Variants in CFAP77 observed in about 807,000 individuals in gnomAD.
CFAP77 encodes cilia and flagella associated protein 77.
CFAP77 carries 25 observed loss-of-function variants against 31.1 expected under a neutral mutation model. The ratio of observed to expected loss-of-function variants is 0.80; its 90% CI spans 0.59 to 1.12. The LOEUF (loss-of-function observed/expected upper bound fraction) is 1.12, where lower values mean the gene tolerates loss of function less well. CFAP77 is among the 50% of genes most tolerant of loss of function. The pLI is 0.00. For synonymous variants in CFAP77, 151 were observed against 159.9 expected (o/e 0.94, Z 0.42); for missense variants, 377 against 397.3 (o/e 0.95, Z 0.44).
chr9:132,549,220 A>G (rs870596), intron 5 of CFAP77, among the ~76,000 whole-genome samples: 110,089 of 152,106 alleles, frequency 0.72, 40,629 homozygotes, highest in East Asian at 0.94. Flanking sequence ...AGGCTTGTCC[A>G]GTTAAAATGA....
chr9:132,439,622 A>G (rs1363351708), intron 1 of CFAP77, among the ~76,000 whole-genome samples: 10 of 152,004 alleles, frequency 6.6e-5, no homozygotes, highest in Non-Finnish European at 1.2e-4. Context: ...CAAGGCGGGC[A>G]GATCACGAGG....
In CFAP77 at chr9:132,498,801, G is replaced by T; in HGVS notation, c.295+7G>T. On this transcript the variant is annotated splice_region_variant and intron_variant, in intron 2 of 5. Coordinates refer to ENST00000393216, the MANE Select transcript of CFAP77 (RefSeq NM_001282957.2). This position sits in a 1 kb window ranked among gnomAD's most constrained non-coding sequence, Gnocchi z 4.2. ...GACGGAGGAGTCCCTGAAGGTGAGCGAGCAGCTTTGGAGCATGAGGGCAGA... is the reference window on the plus strand; with the variant it reads ...GACGGAGGAGTCCCTGAAGGTGAGCTAGCAGCTTTGGAGCATGAGGGCAGA... 1 of 1,596,238 alleles carries T rather than the reference G, an allele frequency of 6.3e-7. No homozygotes were observed. The highest frequency in any genetic ancestry group is 1.1e-5 in the South Asian group (1 of 88,988).
At chr9:132,438,537 ATATATTTT>A (rs1372615344) in intron 1 of CFAP77, among the ~76,000 whole-genome samples, 89 of 116,170 alleles carry the variant, frequency 7.7e-4, no homozygotes, top group African/African-American at 3.3e-3. Context: ...ATATATATAT[ATATATTTT>A]TTTTTTTTTT....
chr9:132,544,098 C>A (rs1852692544), intron 5 of CFAP77, among the ~76,000 whole-genome samples: 1 of 152,232 alleles, frequency 6.6e-6, no homozygotes, highest in Non-Finnish European at 1.5e-5. Context: ...GGACCGGTGC[C>A]TTTCTGAGCC....
At chr9:132,563,957 G>A (rs1829855682) in intron 5 of CFAP77, among the ~76,000 whole-genome samples, 1 of 152,132 alleles carries the variant, frequency 6.6e-6, no homozygotes, top group Admixed American at 6.6e-5. Context: ...CCCAGCACCA[G>A]CTACTCTTTC....
rs992008177 is a variant in CFAP77, at chr9:132,495,251, T to A, written c.196-3444T>A. 6.6e-6 allele frequency among the ~76,000 whole-genome samples: 1 copy of A among 152,002 alleles called. No individual in the cohort carries two copies. Among genetic ancestry groups the A allele is most frequent in the Non-Finnish European group, 1.5e-5 (1 of 67,942 alleles). On this transcript the variant is annotated intron_variant, in intron 1 of 5. Coordinates refer to ENST00000393216, the MANE Select transcript of CFAP77 (RefSeq NM_001282957.2). The surrounding 1 kb of genome is among the most constrained non-coding windows in gnomAD (Gnocchi z 4.2). ...GTTATTGATTCCCAGGCAACCACAC[T>A]AAAAAGCAGAGATTGAGGCACACAC...
chr9:132,567,511 G>T (rs760866813), intron 5 of CFAP77, among the ~76,000 whole-genome samples: 3 of 152,182 alleles, frequency 2.0e-5, no homozygotes, highest in Non-Finnish European at 2.9e-5. Context: ...TATGGGATGA[G>T]TGGGTGCTGG....
chr9:132,501,307 G>A lies in CFAP77; in HGVS notation c.524+1707G>A, dbSNP rs1225885760. ...AAATGGCCAGCAGCAGTTCTATTCT[G>A]TTTTTCTCTAAACAGCCCAGTGCAA... is the stretch of plus-strand genomic sequence containing the variant. On this transcript the variant is annotated intron_variant, in intron 3 of 5. Coordinates refer to ENST00000393216, the MANE Select transcript of CFAP77 (RefSeq NM_001282957.2). This position sits in a 1 kb window ranked among gnomAD's most constrained non-coding sequence, Gnocchi z 4.6. 6.6e-6 allele frequency among the ~76,000 whole-genome samples: 1 copy of A among 151,954 alleles called. No homozygotes were observed. Among genetic ancestry groups the A allele is most frequent in the Admixed American group, 6.6e-5 (1 of 15,256 alleles).
At chr9:132,474,565 T>A (rs1851315607) in intron 1 of CFAP77, among the ~76,000 whole-genome samples, 2 of 151,974 alleles carry the variant, frequency 1.3e-5, no homozygotes, top group Admixed American at 6.5e-5. Context: ...TCTAAGAAAG[T>A]TCAGCCCTTA....
At chr9:132,508,212 C>T (rs957286801) in intron 3 of CFAP77, among the ~76,000 whole-genome samples, 1 of 152,194 alleles carries the variant, frequency 6.6e-6, no homozygotes, top group African/African-American at 2.4e-5. Flanking sequence ...CCCCGCCCCC[C>T]GCGCCGCCGA....
At chr9:132,411,882 CACACACACAT>C (rs762685382) in intron 1 of CFAP77, among the ~76,000 whole-genome samples, 13 of 151,246 alleles carry the variant, frequency 8.6e-5, no homozygotes, top group African/African-American at 2.7e-4. Flanking sequence ...CACACACACA[CACACACACAT>C]ACATGCATAT....
intron 1 of CFAP77, among the ~76,000 whole-genome samples, chr9:132,459,487 A>G (rs1026389193): frequency 9.7e-5 from 14 of 144,762 alleles, no homozygotes; most frequent in South Asian, 8.9e-4. Context: ...ATTTGTGTGT[A>G]TATATGTGTG....
At position 132,539,109 on chromosome 9, in the gene CFAP77, AAT is replaced by A. The variant is rs1852597629; in HGVS notation, c.630+1405_630+1406del. ...CTCGATAAAAAAATAAATAAATAAAAATAAATAAATAAAATAGTACTTCCTTT... is the reference window on the plus strand; with the variant it reads ...CTCGATAAAAAAATAAATAAATAAAAAAATAAATAAAATAGTACTTCCTTT... On this transcript the variant is annotated intron_variant, in intron 4 of 5. Coordinates refer to ENST00000393216, the MANE Select transcript of CFAP77 (RefSeq NM_001282957.2). The surrounding 1 kb of genome is among the most constrained non-coding windows in gnomAD (Gnocchi z 4.3). 1.3e-5 allele frequency among the ~76,000 whole-genome samples: 2 copies of A among 152,154 alleles called. No individual in the cohort carries two copies. The highest frequency in any genetic ancestry group is 4.8e-5 in the African/African-American group (2 of 41,438).
rs192107624 is a variant in CFAP77, at chr9:132,446,324, G to T, written c.195+35858G>T. ...GTGGCCCTCAGACCTGGATCTCTGA[G>T]TCGTCTGGTCATGCGTGGTCCTGGT... On this transcript the variant is annotated intron_variant, in intron 1 of 5. Transcript: ENST00000393216. 6.6e-5 allele frequency among the ~76,000 whole-genome samples: 10 copies of T among 152,210 alleles called. No individual in the cohort carries two copies. In the East Asian group the frequency reaches 1.9e-3, roughly 29 times the overall value.
In CFAP77 at chr9:132,432,679, G is replaced by A. The variant is rs531795762; in HGVS notation, c.195+22213G>A. Among the ~76,000 whole-genome samples the A allele has an allele frequency of 8.1e-5, 12 of 148,066 alleles. No individual in the cohort carries two copies. The East Asian group carries it at 2.4e-3, about 30-fold the overall frequency. On this transcript the variant is annotated intron_variant, in intron 1 of 5. Transcript: ENST00000393216. ...CCTGAGTAGCTGGGACTATAGGCAT[G>A]CGCCACCACACCCAGCTAATTTTCA...
intron 4 of CFAP77, 85 bp from the exon 5 acceptor site, chr9:132,542,861 A>AG: frequency 1.8e-6 from 2 of 1,082,938 alleles, no homozygotes; most frequent in Non-Finnish European, 2.9e-6. Flanking sequence ...CAAGAATCCC[A>AG]GCCCTCTGTC....
At chr9:132,457,741 G>T (rs1850947024) in intron 1 of CFAP77, among the ~76,000 whole-genome samples, 1 of 152,234 alleles carries the variant, frequency 6.6e-6, no homozygotes, top group Non-Finnish European at 1.5e-5. Flanking sequence ...GTCTCCTCCG[G>T]CAGTCGAAAA....
intron 1 of CFAP77, among the ~76,000 whole-genome samples, chr9:132,449,033 T>C (rs1461058085): frequency 2.0e-5 from 3 of 152,112 alleles, no homozygotes; most frequent in African/African-American, 7.2e-5. Flanking sequence ...TGGACAAGGG[T>C]AGGGCACCGT....
At chr9:132,544,795 T>C (rs13286482) in intron 5 of CFAP77, among the ~76,000 whole-genome samples, 52,041 of 152,004 alleles carry the variant, frequency 0.34, 9,011 homozygotes, top group Middle Eastern at 0.41. Context: ...CATGCTCAGC[T>C]ACCTCCCTGC....
Sources: allele counts gnomAD v4.1 joint callset (sites outside exome capture counted in the v4.1 genomes callset), GRCh38; gene constraint gnomAD v4.1.1; non-coding constraint Gnocchi (gnomAD v3.1); transcripts MANE v1.5; gene names NCBI Gene and HGNC (gene_info 2026-07-23, HGNC 2026-07-21).